KCNMA1: variants seen among roughly 807,000 people sequenced by gnomAD.
The protein encoded by KCNMA1 is Calcium-activated potassium channel subunit alpha-1.
A neutral mutation model predicts 140.0 loss-of-function variants in KCNMA1; 29 were observed. That is an observed-to-expected ratio of 0.21 (90% CI 0.15 to 0.28). The LOEUF (loss-of-function observed/expected upper bound fraction) is 0.28, where lower values mean the gene tolerates loss of function less well. Among genes scored for constraint, KCNMA1 ranks in the 10% least tolerant of loss-of-function variants. KCNMA1 has a pLI of 1.00. For missense variants in KCNMA1, 880 were observed against 1,602.2 expected (o/e 0.55, Z 7.70); for synonymous variants, 612 against 611.9 (o/e 1.00, Z 0.00).
chr10:76,894,253 C>CA (rs2041540320), intron 25 of KCNMA1, among the ~76,000 whole-genome samples: 1 of 152,134 alleles, frequency 6.6e-6, no homozygotes, highest in Admixed American at 6.5e-5. Context: ...AAACAAATGG[C>CA]ATAGCAACAA....
chr10:77,112,263 A>T, intron 7 of KCNMA1, 104 bp downstream of exon 7: 1 of 832,418 alleles, frequency 1.2e-6, no homozygotes, highest in Non-Finnish European at 2.0e-6. Flanking sequence ...TCTACAACCG[A>T]GGTGAAGTTA....
chr10:77,327,884 T>C (rs896951647), intron 2 of KCNMA1, among the ~76,000 whole-genome samples: 2 of 152,138 alleles, frequency 1.3e-5, no homozygotes, highest in Non-Finnish European at 2.9e-5. Flanking sequence ...TCCTCTACTA[T>C]AAAGTGGGGA....
chr10:77,353,358 A>G (rs2093118566), intron 2 of KCNMA1, among the ~76,000 whole-genome samples: 1 of 152,152 alleles, frequency 6.6e-6, no homozygotes, highest in South Asian at 2.1e-4. Context: ...TATTGGCAGC[A>G]AGAACTCCAG....
intron 19 of KCNMA1, among the ~76,000 whole-genome samples, chr10:76,997,714 T>C (rs1049336744): frequency 1.3e-5 from 2 of 152,230 alleles, no homozygotes; most frequent in Non-Finnish European, 2.9e-5. Flanking sequence ...TTTATGTGCA[T>C]GTGTATGTTG....
chr10:76,945,257 G>A (rs2063598026), intron 22 of KCNMA1, among the ~76,000 whole-genome samples: 1 of 152,170 alleles, frequency 6.6e-6, no homozygotes, highest in African/African-American at 2.4e-5. Flanking sequence ...AAACGCGGGA[G>A]AGGAATAATG....
chr10:77,082,153 T>A (rs1455049932), intron 12 of KCNMA1, among the ~76,000 whole-genome samples: 1 of 151,234 alleles, frequency 6.6e-6, no homozygotes, highest in Admixed American at 6.6e-5. Context: ...CTCAACCTCC[T>A]GAGTAACTGG....
chr10:77,635,638 G>T (rs895801312), intron 1 of KCNMA1: 1 of 152,218 alleles, frequency 6.6e-6, no homozygotes, highest in Non-Finnish European at 1.5e-5. Flanking sequence ...GGTGTATAGG[G>T]CTTTGCTTAA....
At chr10:76,879,332 G>A (rs975990303) in intron 29 of KCNMA1, among the ~76,000 whole-genome samples, 8 of 152,128 alleles carry the variant, frequency 5.3e-5, no homozygotes, top group South Asian at 2.1e-4. Context: ...CTCTTGCCTC[G>A]TTCTCCCCAC....
intron 2 of KCNMA1, among the ~76,000 whole-genome samples, chr10:77,261,917 T>G (rs1230104900): frequency 1.3e-5 from 2 of 152,182 alleles, no homozygotes; most frequent in African/African-American, 2.4e-5. Flanking sequence ...TGCATGTGGG[T>G]TTGGCCAACT....
intron 1 of KCNMA1, among the ~76,000 whole-genome samples, chr10:77,566,273 A>T (rs1259093917): frequency 4.6e-5 from 7 of 152,140 alleles, no homozygotes; most frequent in African/African-American, 1.7e-4. Flanking sequence ...TCCAGGAAAC[A>T]TGGAAGTTGG....
chr10:77,486,134 C>A (rs1382735406), intron 1 of KCNMA1, among the ~76,000 whole-genome samples: 1 of 152,138 alleles, frequency 6.6e-6, no homozygotes. Flanking sequence ...AAAACAGAAG[C>A]TGGAAAGAGG....
At chr10:77,453,352 AAAATAAATAAATAT>A (rs903928489) in intron 1 of KCNMA1, among the ~76,000 whole-genome samples, 14 of 94,790 alleles carry the variant, frequency 1.5e-4, no homozygotes, top group South Asian at 3.0e-4. Flanking sequence ...CTAGAGGTAA[AAAATAAATAAATAT>A]AAATAAATAA....
intron 2 of KCNMA1, among the ~76,000 whole-genome samples, chr10:77,280,519 G>A (rs142589930): frequency 2.0e-4 from 30 of 152,088 alleles, no homozygotes; most frequent in African/African-American, 6.8e-4. Context: ...GTTTATGTTT[G>A]TGTCTTTGTT....
chr10:77,427,726 T>C (rs957070788), intron 1 of KCNMA1, among the ~76,000 whole-genome samples: 1 of 142,894 alleles, frequency 7.0e-6, no homozygotes, highest in Admixed American at 6.9e-5. Context: ...CATTCATTTA[T>C]TTATTTATTT....
At chr10:77,115,645 G>A (rs886402171) in intron 6 of KCNMA1, among the ~76,000 whole-genome samples, 2 of 152,086 alleles carry the variant, frequency 1.3e-5, no homozygotes, top group Non-Finnish European at 2.9e-5. Flanking sequence ...GAGTCTCCTT[G>A]GTGCTTTGGA....
chr10:77,375,736 G>A (rs1482688889), intron 2 of KCNMA1, among the ~76,000 whole-genome samples: 1 of 152,242 alleles, frequency 6.6e-6, no homozygotes, highest in Non-Finnish European at 1.5e-5. Context: ...CAGTTGCAGA[G>A]AGCTACCTGG....
intron 1 of KCNMA1, among the ~76,000 whole-genome samples, chr10:77,517,870 G>T (rs1250083799): frequency 6.6e-6 from 1 of 152,198 alleles, no homozygotes; most frequent in African/African-American, 2.4e-5. Context: ...CAGGCGATAA[G>T]CCAAACTGAT....
At position 76,959,719 on chromosome 10, in the gene KCNMA1, C is replaced by T. The variant is rs181914248; in HGVS notation, c.2361-5795G>A. Among the ~76,000 whole-genome samples, 7 of 152,320 alleles carry T rather than the reference C, an allele frequency of 4.6e-5. No individual in the cohort carries two copies. The East Asian group carries it at 1.3e-3, about 29-fold the overall frequency. ...ACTGCTATTATTTCTACTACTGCTA[C>T]TATTAATACTACTACTATTGCTGCT... On this transcript the variant is annotated intron_variant, in intron 20 of 27. Coordinates refer to ENST00000286628, the MANE Select transcript of KCNMA1 (RefSeq NM_001161352.2).
chr10:77,464,880 A>G (rs1237718038), intron 1 of KCNMA1, among the ~76,000 whole-genome samples: 1 of 152,220 alleles, frequency 6.6e-6, no homozygotes, highest in East Asian at 1.9e-4. Context: ...AAGTTTCTAA[A>G]TTATTGCTTA....
Sources: allele counts gnomAD v4.1 joint callset (sites outside exome capture counted in the v4.1 genomes callset), GRCh38; gene constraint gnomAD v4.1.1; transcripts MANE v1.5; gene names NCBI Gene and HGNC (gene_info 2026-07-23, HGNC 2026-07-21).